The following PCDH9 variants were observed in gnomAD, a reference collection of about 807,000 sequenced individuals.
PCDH9 encodes protocadherin 9.
A neutral mutation model predicts 70.6 loss-of-function variants in PCDH9; 24 were observed. The ratio of observed to expected loss-of-function variants is 0.34; its 90% CI spans 0.25 to 0.48. PCDH9 has a LOEUF of 0.48. PCDH9 is among the 20% of genes least tolerant of loss of function. The pLI, the probability that PCDH9 is intolerant of heterozygous loss-of-function variation, is 0.99. For synonymous variants in PCDH9, 562 were observed against 558.5 expected (o/e 1.01, Z -0.09); for missense variants, 1,281 against 1,503.6 (o/e 0.85, Z 2.45).
At chr13:66,750,678 T>C (rs936855261) in intron 3 of PCDH9, among the ~76,000 whole-genome samples, 1 of 151,930 alleles carries the variant, frequency 6.6e-6, no homozygotes, top group Middle Eastern at 3.4e-3. Flanking sequence ...CCAAATCTGC[T>C]TAAATTAACC....
chr13:66,435,640 T>C (rs189260835), intron 4 of PCDH9, among the ~76,000 whole-genome samples: 4 of 152,304 alleles, frequency 2.6e-5, no homozygotes, highest in Admixed American at 2.6e-4. Flanking sequence ...ATAATAGTCA[T>C]AAAAATTGAA....
intron 3 of PCDH9, among the ~76,000 whole-genome samples, chr13:66,840,596 T>C (rs975573521): frequency 6.6e-6 from 1 of 152,230 alleles, no homozygotes; most frequent in Non-Finnish European, 1.5e-5. Context: ...GAATTTTATA[T>C]TGACTTGTGC....
At chr13:66,848,096 G>A (rs915805297) in intron 3 of PCDH9, among the ~76,000 whole-genome samples, 1 of 152,006 alleles carries the variant, frequency 6.6e-6, no homozygotes, top group Admixed American at 6.6e-5. Flanking sequence ...GTATTTCAGC[G>A]TATCTCCTAT....
intron 3 of PCDH9, among the ~76,000 whole-genome samples, chr13:66,790,611 G>A (rs1452319819): frequency 6.6e-6 from 1 of 151,988 alleles, no homozygotes; most frequent in Non-Finnish European, 1.5e-5. Flanking sequence ...GCAGGGGCCT[G>A]TTTAATGTTT....
At chr13:66,374,884 A>C (rs1042455999) in intron 4 of PCDH9, among the ~76,000 whole-genome samples, 3 of 152,124 alleles carry the variant, frequency 2.0e-5, no homozygotes, top group Non-Finnish European at 4.4e-5. Context: ...GAGCTGAAGG[A>C]ATAGTAGATC....
At chr13:66,907,036 T>C (rs2082373786) in intron 2 of PCDH9, among the ~76,000 whole-genome samples, 1 of 151,924 alleles carries the variant, frequency 6.6e-6, no homozygotes. Flanking sequence ...CAAAACCCCG[T>C]CTACTGAAAA....
intron 3 of PCDH9, among the ~76,000 whole-genome samples, chr13:66,893,128 A>C (rs546558514): frequency 6.6e-6 from 1 of 152,160 alleles, no homozygotes; most frequent in Non-Finnish European, 1.5e-5. Context: ...AGATTAATTA[A>C]CTTTAAGTTT....
intron 4 of PCDH9, among the ~76,000 whole-genome samples, chr13:66,598,269 C>A (rs1325203839): frequency 2.0e-5 from 3 of 151,648 alleles, no homozygotes; most frequent in Non-Finnish European, 4.4e-5. Context: ...GATTTGGAAG[C>A]AATATTTAGA....
intron 3 of PCDH9, among the ~76,000 whole-genome samples, chr13:66,890,448 CTTTT>C (rs36076373): frequency 6.0e-5 from 6 of 100,560 alleles, no homozygotes; most frequent in African/African-American, 1.1e-4. Flanking sequence ...GACTTCTGAA[CTTTT>C]TTTTTTTTTT....
intron 2 of PCDH9, among the ~76,000 whole-genome samples, chr13:67,122,605 T>C (rs1252291746): frequency 6.6e-6 from 1 of 151,838 alleles, no homozygotes; most frequent in African/African-American, 2.4e-5. Context: ...AAACCCTGTC[T>C]GTACTAAAAT....
intron 4 of PCDH9, among the ~76,000 whole-genome samples, chr13:66,324,202 T>G (rs1029849285): frequency 2.4e-4 from 37 of 152,112 alleles, no homozygotes; most frequent in African/African-American, 8.0e-4. Flanking sequence ...AGGCTGGAGC[T>G]TCCTTTTGCA....
intron 3 of PCDH9, among the ~76,000 whole-genome samples, chr13:66,824,861 T>C (rs74093621): frequency 6.6e-6 from 1 of 151,422 alleles, no homozygotes; most frequent in Admixed American, 6.6e-5. Flanking sequence ...CTAGTGAAAG[T>C]CTTAAATCTG....
chr13:66,490,634 A>G (rs1213767791), intron 4 of PCDH9, among the ~76,000 whole-genome samples: 1 of 151,982 alleles, frequency 6.6e-6, no homozygotes, highest in Non-Finnish European at 1.5e-5. Flanking sequence ...ACTGTTTTTA[A>G]TAGGTGAGGT....
intron 2 of PCDH9, among the ~76,000 whole-genome samples, chr13:66,938,133 A>G (rs2082947499): frequency 6.6e-6 from 1 of 152,200 alleles, no homozygotes; most frequent in Non-Finnish European, 1.5e-5. Context: ...TAGTCTTTCA[A>G]ACTAAGAAAC....
chr13:67,127,674 A>ATGTGTGTGTGTG (rs772540157), intron 2 of PCDH9, among the ~76,000 whole-genome samples: 2 of 59,188 alleles, frequency 3.4e-5, no homozygotes, highest in African/African-American at 5.7e-5. Context: ...ATATATATAT[A>ATGTGTGTGTGTG]TATGTGTGTG....
intron 4 of PCDH9, among the ~76,000 whole-genome samples, chr13:66,370,513 A>AT (rs34902558): frequency 0.041 from 5,326 of 129,320 alleles, 185 homozygotes; most frequent in African/African-American, 0.093. Context: ...TTATGTATTC[A>AT]TTTTTTTTTT....
chr13:66,398,346 G>A (rs567562248), intron 4 of PCDH9, among the ~76,000 whole-genome samples: 3 of 152,076 alleles, frequency 2.0e-5, no homozygotes, highest in Middle Eastern at 3.4e-3. Flanking sequence ...TATTGGAATC[G>A]TTAAGACTTC....
At chr13:66,437,796 T>C (rs1024679186) in intron 4 of PCDH9, among the ~76,000 whole-genome samples, 2 of 152,132 alleles carry the variant, frequency 1.3e-5, no homozygotes, top group Admixed American at 1.3e-4. Flanking sequence ...CACTCCTATG[T>C]GTATACCTAA....
intron 4 of PCDH9, among the ~76,000 whole-genome samples, chr13:66,308,655 G>A (rs1031092670): frequency 5.3e-5 from 8 of 151,972 alleles, no homozygotes; most frequent in African/African-American, 1.9e-4. Flanking sequence ...ACTGAGTAGG[G>A]TTAGCTAGGG....
Sources: allele counts gnomAD v4.1 joint callset (sites outside exome capture counted in the v4.1 genomes callset), GRCh38; gene constraint gnomAD v4.1.1; transcripts MANE v1.5; gene names NCBI Gene and HGNC (gene_info 2026-07-23, HGNC 2026-07-21).